Variants in PALM2AKAP2 observed in about 807,000 individuals in gnomAD.
PALM2AKAP2 encodes PALM2-AKAP2 fusion protein.
PALM2AKAP2 carries 37 observed loss-of-function variants against 71.5 expected under a neutral mutation model. The observed-to-expected ratio is 0.52, with a 90% confidence interval of 0.40 to 0.68. PALM2AKAP2 has a LOEUF of 0.68. Ranked by LOEUF, PALM2AKAP2 falls within the 30% of genes least tolerant of loss-of-function variation. The pLI is 0.00. For missense variants in PALM2AKAP2, 1,224 were observed against 1,191.8 expected (o/e 1.03, Z -0.40); for synonymous variants, 468 against 478.8 (o/e 0.98, Z 0.29).
exon 4 of PALM2AKAP2, chr9:110,171,429 G>A (rs987006983): frequency 9.2e-5 from 14 of 152,082 alleles, no homozygotes; most frequent in Non-Finnish European, 1.6e-4. Context: ...GCTGCCTTCC[G>A]GATTACTGCT....
chr9:110,117,956 T>C (rs1588118708), intron 1 of PALM2AKAP2, among the ~76,000 whole-genome samples: 3 of 147,194 alleles, frequency 2.0e-5, no homozygotes, highest in East Asian at 3.9e-4. Context: ...AAGATACATA[T>C]ATATATATAT....
At chr9:110,076,920 G>T (rs891726698) in intron 1 of PALM2AKAP2, among the ~76,000 whole-genome samples, 1 of 152,124 alleles carries the variant, frequency 6.6e-6, no homozygotes, top group Non-Finnish European at 1.5e-5. Context: ...TATTTCGTGG[G>T]CAATTCATAA....
At chr9:109,863,474 G>T (rs185959730) in intron 1 of PALM2AKAP2, among the ~76,000 whole-genome samples, 6 of 152,266 alleles carry the variant, frequency 3.9e-5, no homozygotes, top group African/African-American at 1.2e-4. Flanking sequence ...GTTTGAGTTT[G>T]GGGGAGTGAC....
At chr9:109,965,191 T>G (rs1372854438) in intron 6 of PALM2AKAP2, among the ~76,000 whole-genome samples, 1 of 152,222 alleles carries the variant, frequency 6.6e-6, no homozygotes, top group Admixed American at 6.5e-5. Context: ...GTGGGACTAA[T>G]AATCCCTACG....
chr9:110,124,806 T>G (rs1432797595), intron 1 of PALM2AKAP2, among the ~76,000 whole-genome samples: 1 of 152,188 alleles, frequency 6.6e-6, no homozygotes, highest in African/African-American at 2.4e-5. Flanking sequence ...GCATGGACTA[T>G]AATGTAGCCA....
At chr9:110,113,217 CTTTTTG>C (rs891459587) in intron 1 of PALM2AKAP2, among the ~76,000 whole-genome samples, 21 of 149,196 alleles carry the variant, frequency 1.4e-4, no homozygotes, top group South Asian at 6.4e-4. Flanking sequence ...TGTTGTTTGT[CTTTTTG>C]TTTTTGTTTT....
chr9:109,820,546 T>C (rs1827968348), intron 1 of PALM2AKAP2, among the ~76,000 whole-genome samples: 1 of 152,206 alleles, frequency 6.6e-6, no homozygotes, highest in African/African-American at 2.4e-5. Context: ...CTTGGAACCT[T>C]AAAAGGAGAT....
intron 1 of PALM2AKAP2, among the ~76,000 whole-genome samples, chr9:109,766,262 G>A (rs1829152425): frequency 6.6e-6 from 1 of 152,186 alleles, no homozygotes; most frequent in African/African-American, 2.4e-5. Flanking sequence ...AGTGGGAATA[G>A]TATTGTCACC....
exon 2 of PALM2AKAP2, chr9:110,136,296 C>A (rs151065500): frequency 1.9e-6 from 3 of 1,614,176 alleles, no homozygotes; most frequent in South Asian, 1.1e-5. Flanking sequence ...ACCTCTACCC[C>A]ACATCCCATG....
At position 109,861,211 on chromosome 9, in the gene PALM2AKAP2, G is replaced by T. The variant is rs566810333; in HGVS notation, c.46-6280G>T. ...TGTCTCCCTGTTTCTCACACACTCA[G>T]TTGGGACACCCACCTTGTCCACAGC... On this transcript the variant is annotated intron_variant, in intron 1 of 9. Coordinates refer to the PALM2AKAP2 transcript ENST00000302798. Among the ~76,000 whole-genome samples the T allele has an allele frequency of 2.3e-3, 357 of 152,310 alleles. 7 individuals carry two copies. The highest frequency in any genetic ancestry group is 5.7e-4 in the Non-Finnish European group (39 of 68,026).
intron 3 of PALM2AKAP2, among the ~76,000 whole-genome samples, chr9:109,915,396 A>T (rs1830663940): frequency 1.3e-5 from 2 of 152,210 alleles, no homozygotes; most frequent in African/African-American, 4.8e-5. Flanking sequence ...TGCTTCTGTG[A>T]GCTTGAAAAA....
chr9:109,962,770 GT>G (rs1831876851), intron 6 of PALM2AKAP2, among the ~76,000 whole-genome samples: 1 of 152,110 alleles, frequency 6.6e-6, no homozygotes, highest in Admixed American at 6.5e-5. Flanking sequence ...AGCCTCCTGA[GT>G]AGTTGGGATT....
chr9:109,862,907 A>G (rs10816901), intron 1 of PALM2AKAP2: 2 of 514,328 alleles, frequency 3.9e-6, no homozygotes, highest in South Asian at 2.9e-5. Context: ...AGATCAGGAG[A>G]CTGCAAGTAG....
chr9:109,781,300 A>T (rs1215494382), intron 1 of PALM2AKAP2, among the ~76,000 whole-genome samples: 2 of 152,194 alleles, frequency 1.3e-5, no homozygotes, highest in Non-Finnish European at 2.9e-5. Context: ...GTTGCCAATG[A>T]TCCACAGATG....
chr9:109,941,149 T>C lies in PALM2AKAP2; in HGVS notation c.496+9121T>C, dbSNP rs34972085. ...CTTCTTCTTCTTCTTCCTCTTCTTT[T>C]TTTTTTTTTTTTTTTTTTTTAAAGA... On this transcript the variant is annotated intron_variant, in intron 6 of 9. Coordinates refer to the PALM2AKAP2 transcript ENST00000302798. 2.3e-4 allele frequency among the ~76,000 whole-genome samples: 34 copies of C among 146,750 alleles called. 1 individual carries two copies. Among genetic ancestry groups the C allele is most frequent in the East Asian group, 3.9e-4 (2 of 5,110 alleles).
intron 1 of PALM2AKAP2, among the ~76,000 whole-genome samples, chr9:110,116,392 ATGTGTG>A (rs1835364041): frequency 1.3e-5 from 2 of 151,164 alleles, no homozygotes; most frequent in African/African-American, 2.4e-5. Flanking sequence ...GTGTGTGCGC[ATGTGTG>A]TGCGTGTGCG....
intron 1 of PALM2AKAP2, among the ~76,000 whole-genome samples, chr9:109,719,072 C>A (rs1047032264): frequency 1.3e-5 from 2 of 152,144 alleles, no homozygotes; most frequent in Admixed American, 1.3e-4. Context: ...GGAATTTAAT[C>A]ATCTCTTATA....
intron 2 of PALM2AKAP2, among the ~76,000 whole-genome samples, chr9:109,868,653 A>G (rs1587973413): frequency 6.6e-6 from 1 of 152,384 alleles, no homozygotes; most frequent in Admixed American, 6.5e-5. Context: ...TTACTGATTG[A>G]AAATAGCAGC....
At chr9:109,661,827 C>T (rs1040697662) in intron 1 of PALM2AKAP2, among the ~76,000 whole-genome samples, 4 of 152,122 alleles carry the variant, frequency 2.6e-5, no homozygotes, top group African/African-American at 9.7e-5. Flanking sequence ...TTGTTTGTGT[C>T]CTGTTTTATT....
Sources: gnomAD v4.1 joint callset for allele counts (sites outside exome capture counted in the v4.1 genomes callset) on GRCh38, gnomAD v4.1.1 for gene constraint, MANE v1.5 for transcripts, NCBI Gene and HGNC (gene_info 2026-07-23, HGNC 2026-07-21) for gene names.